The following ALOXE3 variants were observed in gnomAD, a reference collection of about 807,000 sequenced individuals.
The protein encoded by ALOXE3 is arachidonate epidermal lipoxygenase 3, also known as hydroperoxide isomerase ALOXE3.
In ALOXE3, 78 loss-of-function variants were observed where a neutral mutation model predicts 87.5. The observed-to-expected ratio is 0.89, with a 90% CI of 0.74 to 1.08. The LOEUF is 1.08. ALOXE3 is among the 50% of genes least tolerant of loss of function. ALOXE3 has a pLI of 0.00. For synonymous variants in ALOXE3, 363 were observed against 370.8 expected, an observed-to-expected ratio of 0.98 and a Z score of 0.24; for missense variants, 946 against 912.4, an observed-to-expected ratio of 1.04 and a Z score of -0.47.
At chr17:8,107,835 A>AG (rs1567996031) in intron 13 of ALOXE3, among the ~76,000 whole-genome samples, 1,497 of 5,168 alleles carry the variant, frequency 0.29, 201 homozygotes, top group Middle Eastern at 0.5. Flanking sequence ...GAAAGAAAGA[A>AG]AGAAAGAAAG....
chr17:8,103,570 C>T (rs931774974), intron 14 of ALOXE3, 77 bp from the exon 15 acceptor site: 1 of 1,499,024 alleles, frequency 6.7e-7, no homozygotes, highest in Non-Finnish European at 9.2e-7. Flanking sequence ...TCCCTGATTC[C>T]ACCTCTGCCG....
At chr17:8,105,103 C>A (rs1484691662) in intron 13 of ALOXE3, among the ~76,000 whole-genome samples, 1 of 152,226 alleles carries the variant, frequency 6.6e-6, no homozygotes. Context: ...GATTACGTCA[C>A]CCCTCGCTAA....
rs1210986074 is a variant in ALOXE3 at position 8,118,510 on chromosome 17, C to A, written c.-338G>T. 3 of 1,538,664 alleles carry A rather than the reference C, an allele frequency of 1.9e-6. No individual in the cohort carries two copies. Among genetic ancestry groups the A allele is most frequent in the Non-Finnish European group, 2.6e-6 (3 of 1,143,954 alleles). ...CCTGCATTCCTACGTGTGAATCATC[C>A]GTGTGAATCACTAAACAGTGGAGAG... On this transcript the variant is annotated 5_prime_UTR_variant, in exon 1 of 16. Transcript: ENST00000448843.
intron 13 of ALOXE3, among the ~76,000 whole-genome samples, chr17:8,105,782 G>A (rs1979255929): frequency 6.6e-6 from 1 of 152,008 alleles, no homozygotes; most frequent in Non-Finnish European, 1.5e-5. Context: ...TGATGTGGTG[G>A]TGCATGCCTG....
chr17:8,117,311 T>G (rs1170159701), intron 2 of ALOXE3, among the ~76,000 whole-genome samples: 1 of 152,034 alleles, frequency 6.6e-6, no homozygotes, highest in East Asian at 1.9e-4. Flanking sequence ...TCCCAGCTAC[T>G]TGGGAGGCTG....
chr17:8,110,053 G>C (rs1979902696), intron 10 of ALOXE3, 39 bp downstream of exon 10: 5 of 1,584,832 alleles, frequency 3.2e-6, no homozygotes, highest in Non-Finnish European at 4.3e-6. Flanking sequence ...AAGGCCGCCC[G>C]GCCCCTGCCC....
intron 6 of ALOXE3, among the ~76,000 whole-genome samples, chr17:8,113,055 T>G (rs4792239): frequency 0.28 from 43,162 of 152,008 alleles, 6,529 homozygotes; most frequent in East Asian, 0.53. Context: ...CTTCATTTAA[T>G]CTTCACCTCT....
In ALOXE3 at chr17:8,110,443, G is replaced by T. The variant is rs1303206136; in HGVS notation, c.1043C>A (p.Ala348Asp). The T allele has an allele frequency of 1.9e-6, 3 of 1,613,220 alleles. No individual in the cohort carries two copies. In the Admixed American group the frequency reaches 5.0e-5, roughly 27 times the overall value. ...CLNGRQQYVA[A>D]PLCLLWLSPQ... Reference sequence around the variant, plus strand: ...GCTGAGCCACAGCAGGCACAGTGGGGCGGCCACGTACTGCTGGCGGCCGTT... The same window carrying T: ...GCTGAGCCACAGCAGGCACAGTGGGTCGGCCACGTACTGCTGGCGGCCGTT... The change falls in exon 9 of 16, where the codon GCC (alanine) becomes GAC (aspartate). Residue 348 changes from alanine (A) to aspartate (D), a missense_variant. By Grantham distance (126) the Ala-to-Asp change is moderately radical (BLOSUM62 -2). Transcript: ENST00000448843.
intron 13 of ALOXE3, 71 bp downstream of exon 13, chr17:8,108,397 G>A: frequency 6.3e-7 from 1 of 1,587,814 alleles, no homozygotes; most frequent in Non-Finnish European, 8.6e-7. Context: ...AATAACTGAT[G>A]GGAGTAGGGT....
chr17:8,113,546 G>A (rs1203716154), intron 6 of ALOXE3, among the ~76,000 whole-genome samples: 3 of 151,974 alleles, frequency 2.0e-5, no homozygotes, highest in Admixed American at 6.6e-5. Context: ...CCAGCTACTC[G>A]GGAGGCTGAG....
At position 8,118,145 on chromosome 17, in the gene ALOXE3, G is replaced by T. The variant is rs1379066064; in HGVS notation, c.-155C>A. The T allele has an allele frequency of 6.4e-7, 1 of 1,551,294 alleles. No individual in the cohort carries two copies. The highest frequency in any genetic ancestry group is 1.4e-5 in the African/African-American group (1 of 73,034). On this transcript the variant is annotated 5_prime_UTR_variant, in exon 2 of 16. Coordinates refer to ENST00000448843, the MANE Select transcript of ALOXE3 (RefSeq NM_021628.3). Reference sequence around the variant, plus strand: ...CTGAGGATGGGCCCAGCTCTCTCTGGGATGTTCCTGGGCTTTCTCTCTCCG... The same window carrying T: ...CTGAGGATGGGCCCAGCTCTCTCTGTGATGTTCCTGGGCTTTCTCTCTCCG...
Position 8,110,268 on chromosome 17 carries a change from G to A in ALOXE3, c.1129C>T (p.Pro377Ser). 6.2e-7 allele frequency: 1 copy of A among 1,614,056 alleles called. No homozygotes were observed. The highest frequency in any genetic ancestry group is 8.5e-7 in the Non-Finnish European group (1 of 1,179,916). The change falls in exon 10 of 16, where the codon CCC becomes TCC. Residue 377 changes from proline to serine, a missense_variant. Transcript: ENST00000448843. ...TCGGAGTCAGTGGGCAGGAAGATGG[G>A]GCTGTCAGGCCCGGGGGTCTGGCTG... ...QLSQTPGPDS[P>S]IFLPTDSEWD...
chr17:8,115,302 G>C (rs1008688648), intron 4 of ALOXE3, among the ~76,000 whole-genome samples: 4 of 152,224 alleles, frequency 2.6e-5, no homozygotes, highest in Non-Finnish European at 5.9e-5. Context: ...CCGGTTTAGT[G>C]GGGGAGGCTG....
Position 8,111,385 on chromosome 17 carries a change from C to T in ALOXE3, c.931G>A (p.Asp311Asn), listed in dbSNP as rs188193423. The T allele has an allele frequency of 5.9e-5, 96 of 1,613,634 alleles. No homozygotes were observed. The highest frequency in any genetic ancestry group is 6.9e-5 in the Non-Finnish European group (82 of 1,180,034). Residue 311 changes from aspartate to asparagine, a missense_variant, in exon 8 of 16, where the codon GAC becomes AAC. Physicochemically the swap from Asp to Asn is conservative, Grantham distance 23. Coordinates refer to ENST00000448843, the MANE Select transcript of ALOXE3 (RefSeq NM_021628.3). ...TCTAGCTCTGTCTGCAGGCATGTGT[C>T]CTGTCCCAGCAAGGGGGCCACCATG... ...NDMVAPLLGQDTCLQTELERG... is the reference protein window; with the variant it reads ...NDMVAPLLGQNTCLQTELERG...
At chr17:8,117,381 C>T (rs1201936619) in intron 2 of ALOXE3, among the ~76,000 whole-genome samples, 2 of 152,230 alleles carry the variant, frequency 1.3e-5, no homozygotes, top group African/African-American at 4.8e-5. Flanking sequence ...GATCACACCA[C>T]TGCCCTCCAG....
chr17:8,104,076 G>A, intron 14 of ALOXE3, 39 bp downstream of exon 14: 1 of 1,577,230 alleles, frequency 6.3e-7, no homozygotes, highest in Non-Finnish European at 8.7e-7. Context: ...GTCCATTGCT[G>A]AGACCTGATG....
chr17:8,112,835 G>A (rs1980220171), intron 6 of ALOXE3, among the ~76,000 whole-genome samples: 1 of 151,932 alleles, frequency 6.6e-6, no homozygotes, highest in African/African-American at 2.4e-5. Context: ...CGAGGCTGGA[G>A]TGCAGTGGCT....
upstream of ALOXE3, chr17:8,118,888 G>C (rs542003707): frequency 1.3e-4 from 200 of 1,485,602 alleles, 3 homozygotes; most frequent in South Asian, 2.5e-3. Flanking sequence ...GAAGCCCATA[G>C]CCCGCAGCGG....
Position 8,104,171 on chromosome 17 carries a change from G to A in ALOXE3, c.1729C>T (p.Leu577Phe). ...LCTPGEMVKF[L>F]TAIIFNCSAQ... ...GAGCAATTGAAGATGATTGCAGTGA[G>A]GAACTTCACCATCTCTCCTGGGGTG... The change falls in exon 14 of 16, where the codon CTC (leucine) becomes TTC (phenylalanine). Residue 577 changes from leucine (L) to phenylalanine (F), a missense_variant. Leu to Phe is a conservative substitution (Grantham distance 22). Transcript: ENST00000448843. 6.2e-7 allele frequency: 1 copy of A among 1,614,060 alleles called. No individual in the cohort carries two copies. The highest frequency in any genetic ancestry group is 8.5e-7 in the Non-Finnish European group (1 of 1,180,012).
Sources: allele counts gnomAD v4.1 joint callset (sites outside exome capture counted in the v4.1 genomes callset), GRCh38; gene constraint gnomAD v4.1.1; transcripts MANE v1.5; gene names NCBI Gene and HGNC (gene_info 2026-07-23, HGNC 2026-07-21).